Variants in CADM2 observed in about 807,000 individuals in gnomAD.
CADM2 encodes cell adhesion molecule 2, also known as immunoglobulin superfamily member 4D.
Under a neutral mutation model 49.8 loss-of-function variants are expected in CADM2, and 12 were observed. That is an observed-to-expected ratio of 0.24 (90% CI 0.15 to 0.39). The LOEUF (loss-of-function observed/expected upper bound fraction) is 0.39, where lower values mean the gene tolerates loss of function less well. CADM2 is among the 10% of genes least tolerant of loss of function. The pLI is 1.00. For synonymous variants in CADM2, 214 were observed against 175.4 expected (o/e 1.22, Z -1.74); for missense variants, 378 against 492.3 (o/e 0.77, Z 2.20).
intron 1 of CADM2, among the ~76,000 whole-genome samples, chr3:85,636,335 A>T (rs2107535888): frequency 6.6e-6 from 1 of 152,334 alleles, no homozygotes; most frequent in African/African-American, 2.4e-5. Flanking sequence ...AAAGCTTAAA[A>T]AATAAAAAGG....
chr3:85,615,350 T>C (rs978432381), intron 1 of CADM2, among the ~76,000 whole-genome samples: 1 of 152,058 alleles, frequency 6.6e-6, no homozygotes, highest in African/African-American at 2.4e-5. Flanking sequence ...TCTTTGTGAC[T>C]TTGTCAACCT....
intron 1 of CADM2, among the ~76,000 whole-genome samples, chr3:85,113,663 T>C (rs570967475): frequency 6.8e-6 from 1 of 146,264 alleles, no homozygotes; most frequent in Non-Finnish European, 1.5e-5. Context: ...ATTTTAATAT[T>C]TATTGCTTTT....
chr3:85,292,712 G>A (rs1408944884), intron 1 of CADM2, among the ~76,000 whole-genome samples: 2 of 151,982 alleles, frequency 1.3e-5, no homozygotes, highest in African/African-American at 4.8e-5. Flanking sequence ...CGAAATGAAG[G>A]CAGAAATAAA....
At position 85,438,865 on chromosome 3, in the gene CADM2, T is replaced by A. The variant is rs1264634208; in HGVS notation, c.62-287657T>A. ...TATTTATTTATTTATTATTTATATT[T>A]TTTGTAGAAATAGGCTCTCACTATG... On this transcript the variant is annotated intron_variant, in intron 1 of 9. Transcript: ENST00000383699. Among the ~76,000 whole-genome samples, 3 of 152,068 alleles carry A rather than the reference T, an allele frequency of 2.0e-5. No homozygotes were observed. In the East Asian group the frequency reaches 5.8e-4, roughly 29 times the overall value.
In CADM2 at chr3:85,530,321, C is replaced by CTTTTTTTTTTTTTT. The variant is rs2061270952; in HGVS notation, c.62-196201_62-196200insTTTTTTTTTTTTTT. Among the ~76,000 whole-genome samples the CTTTTTTTTTTTTTT allele has an allele frequency of 2.5e-5, 3 of 119,058 alleles. 1 individual carries two copies. The allele number at this position is 119,058 out of a possible 152,430, so 78.1% of individuals were successfully genotyped here. A position where few individuals can be genotyped will look rare whatever the true frequency, so the allele number is the denominator to read the frequency against. On this transcript the variant is annotated intron_variant, in intron 1 of 9. Coordinates refer to ENST00000383699, the MANE Select transcript of CADM2 (RefSeq NM_001167675.2). Reference sequence around the variant, plus strand: ...GTGAGTCAGTTAGACTTCTTTTCTCCGTTTTTTTTTTTTTTTTTTTTTTTT... The same window carrying CTTTTTTTTTTTTTT: ...GTGAGTCAGTTAGACTTCTTTTCTCCTTTTTTTTTTTTTTGTTTTTTTTTTTTTTTTTTTTTTTT...
At chr3:85,517,062 A>G (rs1430986879) in intron 1 of CADM2, among the ~76,000 whole-genome samples, 1 of 151,790 alleles carries the variant, frequency 6.6e-6, no homozygotes, top group Non-Finnish European at 1.5e-5. Flanking sequence ...CAACTACACC[A>G]CTCTGGTTAT....
intron 1 of CADM2, among the ~76,000 whole-genome samples, chr3:85,694,683 T>A (rs901921367): frequency 3.3e-5 from 5 of 152,354 alleles, no homozygotes; most frequent in African/African-American, 1.2e-4. Flanking sequence ...ACACCATCTA[T>A]ACTCCAGACA....
chr3:85,720,036 T>G (rs2067442696), intron 1 of CADM2, among the ~76,000 whole-genome samples: 2 of 152,262 alleles, frequency 1.3e-5, no homozygotes, highest in South Asian at 4.1e-4. Flanking sequence ...GTATCTAATG[T>G]TCAACTCAAG....
chr3:85,791,590 A>T (rs2071340599), intron 2 of CADM2, among the ~76,000 whole-genome samples: 1 of 151,876 alleles, frequency 6.6e-6, no homozygotes. Flanking sequence ...AGAGAGACAG[A>T]GAGAGAGAAA....
chr3:85,325,929 C>A (rs984856054), intron 1 of CADM2, among the ~76,000 whole-genome samples: 1 of 151,966 alleles, frequency 6.6e-6, no homozygotes, highest in Non-Finnish European at 1.5e-5. Flanking sequence ...TTCTCAGAAA[C>A]AAATAAATGA....
At chr3:85,675,695 G>A (rs2065869917) in intron 1 of CADM2, among the ~76,000 whole-genome samples, 1 of 152,182 alleles carries the variant, frequency 6.6e-6, no homozygotes, top group Non-Finnish European at 1.5e-5. Flanking sequence ...ACAAATCAGA[G>A]TGCCTTTTTA....
At chr3:85,945,882 C>T (rs1722619537) in intron 7 of CADM2, among the ~76,000 whole-genome samples, 1 of 151,938 alleles carries the variant, frequency 6.6e-6, no homozygotes, top group African/African-American at 2.4e-5. Flanking sequence ...ACAGGGATGC[C>T]CTCTCTCACC....
intron 3 of CADM2, among the ~76,000 whole-genome samples, chr3:85,815,745 G>C (rs1022619795): frequency 6.6e-6 from 1 of 152,076 alleles, no homozygotes; most frequent in African/African-American, 2.4e-5. Flanking sequence ...GTTCTGGCCC[G>C]GACAATGAGG....
chr3:85,011,697 A>C (rs1220098542), intron 1 of CADM2, among the ~76,000 whole-genome samples: 1 of 152,112 alleles, frequency 6.6e-6, no homozygotes, highest in Non-Finnish European at 1.5e-5. Context: ...AGCCTGGGCA[A>C]CACAGGGAGA....
At chr3:85,978,772 A>T (rs1176804156) in intron 8 of CADM2, among the ~76,000 whole-genome samples, 2 of 151,630 alleles carry the variant, frequency 1.3e-5, no homozygotes, top group African/African-American at 4.8e-5. Context: ...ATATGGTGGT[A>T]TATGTGTTTA....
chr3:85,212,897 T>TCTCTCTCTCTCTC (rs2041834022), intron 1 of CADM2, among the ~76,000 whole-genome samples: 13 of 145,068 alleles, frequency 9.0e-5, no homozygotes, highest in East Asian at 4.0e-4. Context: ...TCTTTCTTTC[T>TCTCTCTCTCTCTC]TTTAATGGAG....
At chr3:85,918,183 A>G (rs1404186296) in intron 6 of CADM2, among the ~76,000 whole-genome samples, 1 of 152,116 alleles carries the variant, frequency 6.6e-6, no homozygotes, top group East Asian at 1.9e-4. Context: ...AGAACTTCCA[A>G]CACTATGTTG....
intron 1 of CADM2, among the ~76,000 whole-genome samples, chr3:85,708,818 C>T (rs1160836612): frequency 6.6e-6 from 1 of 151,872 alleles, no homozygotes; most frequent in Non-Finnish European, 1.5e-5. Context: ...GTAAGAGTGA[C>T]CTGCCTGAAA....
At chr3:85,559,552 A>C (rs2062038210) in intron 1 of CADM2, among the ~76,000 whole-genome samples, 1 of 152,132 alleles carries the variant, frequency 6.6e-6, no homozygotes, top group Admixed American at 6.6e-5. Flanking sequence ...AAAATTATAT[A>C]GTAAATATAT....
Sources: gnomAD v4.1 joint callset for allele counts (sites outside exome capture counted in the v4.1 genomes callset) on GRCh38, gnomAD v4.1.1 for gene constraint, MANE v1.5 for transcripts, NCBI Gene and HGNC (gene_info 2026-07-23, HGNC 2026-07-21) for gene names.